CSMD1: variants seen among roughly 807,000 people sequenced by gnomAD.
CSMD1 encodes CUB and Sushi multiple domains 1, also known as CUB and sushi domain-containing protein 1.
A neutral mutation model predicts 417.5 loss-of-function variants in CSMD1; 213 were observed. The ratio of observed to expected loss-of-function variants is 0.51; its 90% CI spans 0.46 to 0.57. The LOEUF is 0.57. Ranked by LOEUF, CSMD1 falls within the 20% of genes least tolerant of loss-of-function variation. CSMD1 has a pLI of 0.00. For synonymous variants in CSMD1, 2,862 were observed against 1,736.8 expected (o/e 1.65, Z -16.11); for missense variants, 6,923 against 4,529.7 (o/e 1.53, Z -15.17).
chr8:3,741,371 G>C (rs568907737), intron 6 of CSMD1, among the ~76,000 whole-genome samples: 6 of 152,202 alleles, frequency 3.9e-5, no homozygotes, highest in East Asian at 1.9e-4. Flanking sequence ...AGACCGAAGG[G>C]GAATGTATCA....
intron 2 of CSMD1, among the ~76,000 whole-genome samples, chr8:4,571,287 G>C (rs1017590454): frequency 3.9e-5 from 6 of 152,108 alleles, no homozygotes; most frequent in Non-Finnish European, 8.8e-5. Flanking sequence ...TTAGCACTAT[G>C]ATTTTCCCTC....
rs1007158697 is a variant in CSMD1, at chr8:4,542,274, AAC to A, written c.302+95066_302+95067del. 1.3e-3 allele frequency among the ~76,000 whole-genome samples: 196 copies of A among 152,318 alleles called. 2 individuals are homozygous for A. The highest frequency in any genetic ancestry group is 4.4e-3 in the African/African-American group (183 of 41,566). On this transcript the variant is annotated intron_variant, in intron 2 of 69. Transcript: ENST00000635120. ...ACCTTTTTTTTGAAATATTAGGATA[AAC>A]ACAGTCAACAAAACCCATGAATATG...
chr8:4,655,720 T>C (rs190777139), intron 1 of CSMD1, among the ~76,000 whole-genome samples: 3 of 152,100 alleles, frequency 2.0e-5, no homozygotes, highest in East Asian at 3.9e-4. Flanking sequence ...ACCAGAAAAA[T>C]GATGTTCATA....
At chr8:4,781,672 A>G (rs531305986) in intron 1 of CSMD1, among the ~76,000 whole-genome samples, 2 of 152,316 alleles carry the variant, frequency 1.3e-5, no homozygotes, top group South Asian at 4.1e-4. Context: ...GTAAAATGGT[A>G]TCGGTCATGA....
At chr8:3,227,213 A>C (rs1378683337) in intron 27 of CSMD1, among the ~76,000 whole-genome samples, 1 of 152,142 alleles carries the variant, frequency 6.6e-6, no homozygotes, top group Non-Finnish European at 1.5e-5. Context: ...AGCCTGGCCA[A>C]CATAGTGAAA....
chr8:2,940,901 T>C (rs751672867), intron 69 of CSMD1, among the ~76,000 whole-genome samples: 8 of 152,204 alleles, frequency 5.3e-5, no homozygotes, highest in Non-Finnish European at 8.8e-5. Flanking sequence ...TATGTGTCTC[T>C]ATAAGGATAT....
At chr8:4,613,860 C>CAAA (rs60679775) in intron 2 of CSMD1, among the ~76,000 whole-genome samples, 33,193 of 123,120 alleles carry the variant, frequency 0.27, 4,218 homozygotes, top group Non-Finnish European at 0.29. Context: ...TGTCTAATGC[C>CAAA]AAAAAAAAAA....
intron 3 of CSMD1, among the ~76,000 whole-genome samples, chr8:4,298,960 A>G (rs1335503825): frequency 2.0e-5 from 3 of 152,126 alleles, no homozygotes; most frequent in Non-Finnish European, 4.4e-5. Flanking sequence ...TATGTCATAT[A>G]TAATAGAACA....
chr8:4,909,521 T>C (rs1805520452), intron 1 of CSMD1, among the ~76,000 whole-genome samples: 2 of 152,282 alleles, frequency 1.3e-5, no homozygotes, highest in Middle Eastern at 3.4e-3. Flanking sequence ...GCCTTCCTGA[T>C]GTAGAAGGAT....
chr8:3,541,092 C>T (rs1798417721), intron 10 of CSMD1, among the ~76,000 whole-genome samples: 1 of 152,186 alleles, frequency 6.6e-6, no homozygotes, highest in African/African-American at 2.4e-5. Flanking sequence ...ATGTTCACTG[C>T]AGCACTATTC....
intron 3 of CSMD1, among the ~76,000 whole-genome samples, chr8:4,346,922 A>G (rs1584934993): frequency 6.6e-6 from 1 of 152,124 alleles, no homozygotes; most frequent in East Asian, 1.9e-4. Context: ...CTTTTCCTCA[A>G]ATACTAATTT....
intron 5 of CSMD1, among the ~76,000 whole-genome samples, chr8:3,911,212 C>G (rs1167496823): frequency 6.6e-6 from 1 of 152,184 alleles, no homozygotes; most frequent in Non-Finnish European, 1.5e-5. Context: ...ATGTCAGCAT[C>G]TCTCTTGAAT....
chr8:3,754,965 T>C (rs1481242206), intron 5 of CSMD1, among the ~76,000 whole-genome samples: 1 of 5,448 alleles, frequency 1.8e-4, no homozygotes. Flanking sequence ...AAGAAAGCAG[T>C]GCATTCATTT....
intron 23 of CSMD1, among the ~76,000 whole-genome samples, chr8:3,333,010 G>A (rs1807007508): frequency 6.6e-6 from 1 of 152,168 alleles, no homozygotes; most frequent in African/African-American, 2.4e-5. Flanking sequence ...TCCATGAGGT[G>A]AGGGCTCCCC....
At chr8:4,535,523 C>G (rs1246412016) in intron 2 of CSMD1, among the ~76,000 whole-genome samples, 2 of 152,158 alleles carry the variant, frequency 1.3e-5, no homozygotes, top group South Asian at 2.1e-4. Flanking sequence ...TTTCGATGTT[C>G]AAATTTTTTA....
At chr8:3,340,194 C>G (rs1330992471) in intron 23 of CSMD1, among the ~76,000 whole-genome samples, 2 of 152,106 alleles carry the variant, frequency 1.3e-5, no homozygotes, top group Admixed American at 1.3e-4. Flanking sequence ...GCAATTACAC[C>G]ACTCCCTGTG....
intron 7 of CSMD1, among the ~76,000 whole-genome samples, chr8:3,705,575 T>G (rs1179865477): frequency 1.3e-5 from 2 of 152,180 alleles, no homozygotes; most frequent in Non-Finnish European, 2.9e-5. Flanking sequence ...ATGTCCAGCT[T>G]ACAGAATAAA....
At chr8:4,447,349 T>C (rs183247979) in intron 2 of CSMD1, among the ~76,000 whole-genome samples, 7 of 152,312 alleles carry the variant, frequency 4.6e-5, no homozygotes, top group East Asian at 1.9e-4. Context: ...CAAAATGCTA[T>C]ACAAGTTAAG....
chr8:3,792,448 G>A (rs564734527), intron 5 of CSMD1, among the ~76,000 whole-genome samples: 1 of 152,182 alleles, frequency 6.6e-6, no homozygotes, highest in African/African-American at 2.4e-5. Flanking sequence ...AACTGAACAA[G>A]ATGAGGACGG....
Sources: gnomAD v4.1 joint callset for allele counts (sites outside exome capture counted in the v4.1 genomes callset) on GRCh38, gnomAD v4.1.1 for gene constraint, MANE v1.5 for transcripts, NCBI Gene and HGNC (gene_info 2026-07-23, HGNC 2026-07-21) for gene names.